The following RBFOX1 variants were observed in gnomAD, a reference collection of about 807,000 sequenced individuals.
RBFOX1 encodes the protein RNA binding fox-1 homolog 1.
In RBFOX1, 8 loss-of-function variants were observed where a neutral mutation model predicts 57.7. The ratio of observed to expected loss-of-function variants is 0.14; its 90% CI spans 0.08 to 0.25. RBFOX1 has a LOEUF of 0.25. RBFOX1 is among the 10% of genes least tolerant of loss of function. RBFOX1 has a pLI of 1.00. For missense variants in RBFOX1, 611 were observed against 548.5 expected, an observed-to-expected ratio of 1.11 and a Z score of -1.14; for synonymous variants, 326 against 222.4, an observed-to-expected ratio of 1.47 and a Z score of -4.15.
chr16:6,528,398 A>G (rs989523763), intron 2 of RBFOX1, among the ~76,000 whole-genome samples: 1 of 152,198 alleles, frequency 6.6e-6, no homozygotes, highest in Non-Finnish European at 1.5e-5. Context: ...TAAGTCCACC[A>G]TCAATGCACA....
intron 2 of RBFOX1, among the ~76,000 whole-genome samples, chr16:6,450,807 A>ATGTG (rs2094587759): frequency 5.2e-5 from 1 of 19,230 alleles, no homozygotes; most frequent in African/African-American, 3.8e-4. Flanking sequence ...ATATGTATAT[A>ATGTG]TATATATATA....
At chr16:7,661,465 T>C (rs74568858) in intron 12 of RBFOX1, among the ~76,000 whole-genome samples, 3,501 of 152,268 alleles carry the variant, frequency 0.023, 76 homozygotes, top group South Asian at 0.096. Flanking sequence ...TTCACTCCTC[T>C]CTACCGAGCC....
intron 3 of RBFOX1, among the ~76,000 whole-genome samples, chr16:6,706,862 C>G (rs1159901417): frequency 1.3e-5 from 2 of 152,100 alleles, no homozygotes; most frequent in African/African-American, 2.4e-5. Flanking sequence ...GTGTAGGTAT[C>G]TATCTCCTCT....
At chr16:7,110,083 C>A (rs1041872250) in intron 4 of RBFOX1, among the ~76,000 whole-genome samples, 1 of 151,532 alleles carries the variant, frequency 6.6e-6, no homozygotes, top group African/African-American at 2.4e-5. Context: ...TGTGTGGTGG[C>A]TCAGGCATGT....
At position 6,836,320 on chromosome 16, in the gene RBFOX1, C is replaced by G. The variant is rs546750884; in HGVS notation, c.-16+181670C>G. The stretch of plus-strand genomic sequence containing the variant: ...GATTTTCAGCTCTGTGGTTGAATTA[C>G]TCCAAAGAAAGAAAACTGCTTTTGA... On this transcript the variant is annotated intron_variant, in intron 3 of 15. Transcript: ENST00000550418. Among the ~76,000 whole-genome samples, 3 of 151,858 alleles carry G rather than the reference C, an allele frequency of 2.0e-5. No homozygotes were observed. In the East Asian group the frequency reaches 5.8e-4, roughly 29 times the overall value.
intron 5 of RBFOX1, among the ~76,000 whole-genome samples, chr16:7,521,397 A>G (rs750802217): frequency 6.6e-6 from 1 of 152,238 alleles, no homozygotes; most frequent in East Asian, 1.9e-4. Context: ...AGTTTAAGCC[A>G]GAAGAGTTAT....
intron 5 of RBFOX1, among the ~76,000 whole-genome samples, chr16:7,542,858 A>G (rs78688344): frequency 9.8e-5 from 1 of 10,158 alleles, no homozygotes; most frequent in Admixed American, 4.4e-4. Context: ...GAGAGGGAGA[A>G]AGAGGGAAAG....
chr16:6,956,907 C>A (rs1372538600), intron 3 of RBFOX1, among the ~76,000 whole-genome samples: 2 of 151,836 alleles, frequency 1.3e-5, no homozygotes, highest in African/African-American at 2.4e-5. Flanking sequence ...AGTTGTGTTA[C>A]CAGGAAGGGG....
At chr16:7,385,919 C>CTTAT (rs138535933) in intron 4 of RBFOX1, among the ~76,000 whole-genome samples, 15,745 of 134,690 alleles carry the variant, frequency 0.12, 938 homozygotes, top group Admixed American at 0.14. Context: ...TGCCCAGTTA[C>CTTAT]TTATTTATTT....
intron 2 of RBFOX1, among the ~76,000 whole-genome samples, chr16:6,619,671 C>T (rs535078986): frequency 7.0e-6 from 1 of 143,306 alleles, no homozygotes; most frequent in Non-Finnish European, 1.5e-5. Flanking sequence ...AAACTGCTTT[C>T]ATCTTTGTTG....
At chr16:5,916,968 C>A (rs146231359) in intron 4 of RBFOX1, among the ~76,000 whole-genome samples, 39 of 152,226 alleles carry the variant, frequency 2.6e-4, no homozygotes, top group Middle Eastern at 3.4e-3. Flanking sequence ...GCCTTTGATG[C>A]GGGTGTTATG....
At chr16:6,437,953 A>G (rs2185720) in intron 2 of RBFOX1, among the ~76,000 whole-genome samples, 4,112 of 152,194 alleles carry the variant, frequency 0.027, 102 homozygotes, top group East Asian at 0.13. Context: ...CAGCATGCCA[A>G]TGAGGCTCTT....
At chr16:5,999,867 CAAAAAAAAAAAAAAAAAAAAA>C (rs869221577) in intron 4 of RBFOX1, among the ~76,000 whole-genome samples, 11 of 27,672 alleles carry the variant, frequency 4.0e-4, no homozygotes, top group African/African-American at 1.5e-3. Flanking sequence ...GACTCCACCT[CAAAAAAAAAAAAAAAAAAAAA>C]AAAAAAAAAA....
chr16:7,224,127 TAAAAAAAAAAAA>T (rs1168449932), intron 4 of RBFOX1, among the ~76,000 whole-genome samples: 39 of 52,266 alleles, frequency 7.5e-4, no homozygotes, highest in African/African-American at 2.7e-3. Context: ...TTCCTTTTTC[TAAAAAAAAAAAA>T]AAAAAAAAAA....
chr16:6,053,146 C>T (rs1321730552), intron 1 of RBFOX1, among the ~76,000 whole-genome samples: 1 of 152,122 alleles, frequency 6.6e-6, no homozygotes, highest in Non-Finnish European at 1.5e-5. Flanking sequence ...ACAGTGAGGC[C>T]TCCGCTATTA....
intron 4 of RBFOX1, among the ~76,000 whole-genome samples, chr16:5,868,578 G>GTCGGCATCCTCGGC (rs1297984755): frequency 6.6e-6 from 1 of 152,166 alleles, no homozygotes; most frequent in East Asian, 1.9e-4. Flanking sequence ...CCGTTCAAAT[G>GTCGGCATCCTCGGC]TCGGCATCCT....
chr16:5,805,368 T>G (rs1048512199), intron 3 of RBFOX1, among the ~76,000 whole-genome samples: 5 of 152,316 alleles, frequency 3.3e-5, no homozygotes, highest in African/African-American at 1.2e-4. Flanking sequence ...TTCTATTAAC[T>G]AGTTTAGAGC....
At chr16:7,614,846 A>C (rs2058163613) in intron 10 of RBFOX1, 1 of 152,216 alleles carries the variant, frequency 6.6e-6, no homozygotes, top group Non-Finnish European at 1.5e-5. Flanking sequence ...TTATGAAGTC[A>C]AGGTTTCTGG....
intron 1 of RBFOX1, among the ~76,000 whole-genome samples, chr16:6,052,317 G>A (rs991935989): frequency 1.3e-5 from 2 of 151,996 alleles, no homozygotes; most frequent in African/African-American, 4.8e-5. Flanking sequence ...TTTGCCCAAG[G>A]TCACGCAGAA....
Sources: gnomAD v4.1 joint callset for allele counts (sites outside exome capture counted in the v4.1 genomes callset) on GRCh38, gnomAD v4.1.1 for gene constraint, MANE v1.5 for transcripts, NCBI Gene and HGNC (gene_info 2026-07-23, HGNC 2026-07-21) for gene names.